ALDH1L1: variants seen among roughly 807,000 people sequenced by gnomAD.
The protein encoded by ALDH1L1 is cytosolic 10-formyltetrahydrofolate dehydrogenase.
A neutral mutation model predicts 101.1 loss-of-function variants in ALDH1L1; 68 were observed. That is an observed-to-expected ratio of 0.67 (90% CI 0.55 to 0.82). The LOEUF (loss-of-function observed/expected upper bound fraction) is 0.82, where lower values mean the gene tolerates loss of function less well. Ranked by LOEUF, ALDH1L1 falls within the 40% of genes least tolerant of loss-of-function variation. The probability of loss-of-function intolerance (pLI) is 0.00; values close to 1 mark genes in which losing one functional copy is unlikely to be tolerated. For missense variants in ALDH1L1, 1,087 were observed against 1,172.7 expected (o/e 0.93, Z 1.07); for synonymous variants, 486 against 470.8 (o/e 1.03, Z -0.42).
chr3:126,123,139 T>C (rs530459614), intron 16 of ALDH1L1, among the ~76,000 whole-genome samples: 4 of 152,296 alleles, frequency 2.6e-5, no homozygotes, highest in South Asian at 4.1e-4. Context: ...TGAAAGCCAG[T>C]GTAGTAATAC....
chr3:126,148,541 G>A (rs1436950330), intron 8 of ALDH1L1, among the ~76,000 whole-genome samples: 2 of 152,288 alleles, frequency 1.3e-5, no homozygotes, highest in East Asian at 3.9e-4. Context: ...GAGGCCGAGT[G>A]CAGCTGTGAG....
chr3:126,190,386 C>T (rs994289790), intron 1 of ALDH1L1, among the ~76,000 whole-genome samples: 2 of 152,192 alleles, frequency 1.3e-5, no homozygotes, highest in Non-Finnish European at 2.9e-5. Context: ...TAATTTGGAT[C>T]ACCGTAATGA....
In ALDH1L1 at chr3:126,128,497, C is replaced by G. The variant is rs1354188727; in HGVS notation, c.1694+1726G>C. 2.0e-5 allele frequency: 3 copies of G among 152,380 alleles called. No individual in the cohort carries two copies. In the East Asian group the frequency reaches 5.8e-4, roughly 29 times the overall value. The allele number at this position is 152,380 out of a possible 1,614,324, so 9.4% of individuals were successfully genotyped here. A position where few individuals can be genotyped will look rare whatever the true frequency, so the allele number is the denominator to read the frequency against. On this transcript the variant is annotated intron_variant, in intron 14 of 22. Coordinates refer to ENST00000393434, the MANE Select transcript of ALDH1L1 (RefSeq NM_012190.4). ...GGAGCTGGGATTCCAACCTTGGGTT[C>G]CGGCTCCAGAACATTCCCACTGAGG...
chr3:126,174,661 C>A (rs540401021), intron 1 of ALDH1L1, among the ~76,000 whole-genome samples: 1 of 151,928 alleles, frequency 6.6e-6, no homozygotes, highest in East Asian at 1.9e-4. Flanking sequence ...GTAAACAAAT[C>A]AAAGAATAAC....
intron 10 of ALDH1L1, 118 bp from the exon 11 acceptor site, chr3:126,137,001 C>T: frequency 1.4e-6 from 2 of 1,419,104 alleles, no homozygotes; most frequent in Non-Finnish European, 9.5e-7. Flanking sequence ...TTCAGAGCTG[C>T]ATGTAGGCAA....
intron 16 of ALDH1L1, among the ~76,000 whole-genome samples, chr3:126,120,362 A>G (rs2080055664): frequency 6.6e-6 from 1 of 152,258 alleles, no homozygotes; most frequent in African/African-American, 2.4e-5. Context: ...ACTAAGTGAA[A>G]GAAGCCAAAT....
chr3:126,117,651 C>CA lies in ALDH1L1; in HGVS notation c.1982+353dup, dbSNP rs75273825. Among the ~76,000 whole-genome samples the CA allele has an allele frequency of 7.6e-4, 105 of 137,544 alleles. 1 individual carries two copies. The highest frequency in any genetic ancestry group is 2.9e-3 in the South Asian group (12 of 4,092). 90.2% of individuals were successfully genotyped at this position (137,544 alleles called of 152,430 possible). ...TGAGTGACAGATCAAGACCCTGTCT[C>CA]AAAAAAAAAAACAACAACAAAACAA... On this transcript the variant is annotated intron_variant, in intron 17 of 22. Coordinates refer to ENST00000393434, the MANE Select transcript of ALDH1L1 (RefSeq NM_012190.4).
intron 1 of ALDH1L1, among the ~76,000 whole-genome samples, chr3:126,162,680 T>C (rs1235017206): frequency 1.3e-5 from 2 of 152,344 alleles, no homozygotes; most frequent in East Asian, 3.9e-4. Flanking sequence ...GATGAACAGA[T>C]GTTCTTAAAC....
upstream of ALDH1L1, among the ~76,000 whole-genome samples, chr3:126,184,167 G>A (rs1265231467): frequency 6.6e-6 from 1 of 152,184 alleles, no homozygotes; most frequent in Admixed American, 6.5e-5. Context: ...GCAGAAGCCA[G>A]CTTGTCCCTG....
chr3:126,174,934 A>G (rs1404215266), intron 1 of ALDH1L1, among the ~76,000 whole-genome samples: 1 of 152,164 alleles, frequency 6.6e-6, no homozygotes, highest in East Asian at 1.9e-4. Context: ...CTGTCAATAG[A>G]GAAAATCAAC....
chr3:126,130,440 C>A lies in ALDH1L1; in HGVS notation c.1624-147G>T, dbSNP rs1433151946. The A allele has an allele frequency of 6.5e-6, 4 of 611,046 alleles. No homozygotes were observed. In the Admixed American group the frequency reaches 1.2e-4, roughly 19 times the overall value. 37.9% of individuals were successfully genotyped at this position (611,046 alleles called of 1,614,324 possible). On this transcript the variant is annotated intron_variant, in intron 13 of 22. Coordinates refer to ENST00000393434, the MANE Select transcript of ALDH1L1 (RefSeq NM_012190.4). ...GAGGCTTGAGAGACAGGCAGGGGGGCAGCCAGAGGGGCAAGGTGTTTGCTC... is the reference window on the plus strand; with the variant it reads ...GAGGCTTGAGAGACAGGCAGGGGGGAAGCCAGAGGGGCAAGGTGTTTGCTC...
chr3:126,165,074 G>A (rs2081139185), intron 1 of ALDH1L1, among the ~76,000 whole-genome samples: 1 of 152,068 alleles, frequency 6.6e-6, no homozygotes, highest in African/African-American at 2.4e-5. Context: ...TTTGGGAAGT[G>A]TCTGTTCATG....
intron 1 of ALDH1L1, among the ~76,000 whole-genome samples, chr3:126,188,861 T>C (rs1264050276): frequency 6.6e-6 from 1 of 152,128 alleles, no homozygotes; most frequent in African/African-American, 2.4e-5. Context: ...AGGGTCCCCA[T>C]GAAACAAATC....
chr3:126,165,210 G>A (rs2081141298), intron 1 of ALDH1L1, among the ~76,000 whole-genome samples: 2 of 152,078 alleles, frequency 1.3e-5, no homozygotes, highest in Non-Finnish European at 2.9e-5. Context: ...TTCTGTTTAT[G>A]TGGTGAATCA....
At position 126,131,433 on chromosome 3, in the gene ALDH1L1, A is replaced by T. The variant is rs779627069; in HGVS notation, c.1574T>A (p.Met525Lys). The T allele has an allele frequency of 1.2e-6, 2 of 1,613,208 alleles. No homozygotes were observed. Among genetic ancestry groups the T allele is most frequent in the South Asian group, 1.1e-5 (1 of 91,020 alleles). The change falls in exon 13 of 23, where the codon ATG (methionine) becomes AAG (lysine). Residue 525 changes from methionine (M) to lysine (K), a missense_variant. Physicochemically the swap from Met to Lys is moderately conservative, Grantham distance 95. Transcript: ENST00000393434. ...AAAGTAGCGGAAGGTCTGGATGGAC[A>T]TGCCCACGTGGGTCTTCAGGGCCAG... ...YTLALKTHVGMSIQTFRYFAG... is the reference protein window; with the variant it reads ...YTLALKTHVGKSIQTFRYFAG...
At chr3:126,183,676 GT>G (rs1220822407), upstream of ALDH1L1, among the ~76,000 whole-genome samples, 5 of 152,188 alleles carry the variant, frequency 3.3e-5, no homozygotes, top group African/African-American at 4.8e-5. Flanking sequence ...GTCTACAGTG[GT>G]TATCCAATGC....
chr3:126,125,521 T>A, intron 15 of ALDH1L1, 95 bp downstream of exon 15: 1 of 992,600 alleles, frequency 1.0e-6, no homozygotes, highest in Non-Finnish European at 1.4e-6. Flanking sequence ...AGTGCCCGTG[T>A]GGCCAAGAGA....
intron 17 of ALDH1L1, chr3:126,114,905 C>T (rs2079928153): frequency 1.8e-6 from 1 of 563,190 alleles, no homozygotes; most frequent in South Asian, 1.5e-5. Flanking sequence ...GCCCACTCCA[C>T]ACCTCATTTC....
chr3:126,146,751 G>A lies in ALDH1L1; in HGVS notation c.1076+84C>T, dbSNP rs58792882. 1.8e-4 allele frequency: 255 copies of A among 1,449,014 alleles called. No individual in the cohort carries two copies. The African/African-American group carries it at 3.2e-3, about 18-fold the overall frequency. 89.8% of individuals were successfully genotyped at this position (1,449,014 alleles called of 1,614,324 possible). ...ACATGATCCATGAGTGTAACAAATGGTTGTTTCCTGCTGCTCAGTTTTGCA... is the reference window on the plus strand; with the variant it reads ...ACATGATCCATGAGTGTAACAAATGATTGTTTCCTGCTGCTCAGTTTTGCA... On this transcript the variant is annotated intron_variant, in intron 9 of 22. Transcript: ENST00000393434.
Sources: gnomAD v4.1 joint callset for allele counts (sites outside exome capture counted in the v4.1 genomes callset) on GRCh38, gnomAD v4.1.1 for gene constraint, MANE v1.5 for transcripts, NCBI Gene and HGNC (gene_info 2026-07-23, HGNC 2026-07-21) for gene names.